Variants in FYCO1 observed in about 807,000 individuals in gnomAD.
FYCO1 encodes FYVE and coiled-coil domain autophagy adaptor 1, also known as FYVE and coiled-coil domain-containing protein 1.
In FYCO1, 122 loss-of-function variants were observed where a neutral mutation model predicts 165.1. The observed-to-expected ratio is 0.74, with a 90% confidence interval of 0.64 to 0.86. FYCO1 has a LOEUF of 0.86. FYCO1 is among the 40% of genes least tolerant of loss of function. FYCO1 has a pLI of 0.00. For missense variants in FYCO1, 1,702 were observed against 1,810.3 expected (o/e 0.94, Z 1.09); for synonymous variants, 648 against 742.5 (o/e 0.87, Z 2.07).
At chr3:45,938,222 G>T (rs1360428198) in intron 14 of FYCO1, 3 of 1,289,240 alleles carry the variant, frequency 2.3e-6, no homozygotes, top group African/African-American at 3.0e-5. Flanking sequence ...CACAGAGCAG[G>T]TTTCCCAGAC....
chr3:45,973,998 C>T (rs1478555298), intron 5 of FYCO1, among the ~76,000 whole-genome samples: 1 of 152,114 alleles, frequency 6.6e-6, no homozygotes, highest in East Asian at 1.9e-4. Flanking sequence ...GAGGTAGAGG[C>T]CACAGTAAGC....
chr3:45,962,157 C>T lies in FYCO1; in HGVS notation c.3437+68G>A. The T allele has an allele frequency of 6.6e-7, 1 of 1,522,796 alleles. No individual in the cohort carries two copies. Among genetic ancestry groups the T allele is most frequent in the Non-Finnish European group, 9.1e-7 (1 of 1,097,324 alleles). 94.3% of individuals were successfully genotyped at this position (1,522,796 alleles called of 1,614,324 possible). On this transcript the variant is annotated intron_variant, in intron 11 of 17. Coordinates refer to ENST00000296137, the MANE Select transcript of FYCO1 (RefSeq NM_024513.4). This position sits in a 1 kb window ranked among gnomAD's most constrained non-coding sequence, Gnocchi z 4.4. ...TTCTGAAGTATGCTTTCAAGAACAG[C>T]TGCATTTCTTTAGAGAAAAACCCCA...
intron 4 of FYCO1, among the ~76,000 whole-genome samples, chr3:45,975,881 T>C (rs1706727135): frequency 6.6e-6 from 1 of 152,138 alleles, no homozygotes; most frequent in Non-Finnish European, 1.5e-5. Flanking sequence ...CAGAAACATG[T>C]GCAGAAGGAG....
At chr3:45,995,406 G>A (rs976799927) in intron 1 of FYCO1, among the ~76,000 whole-genome samples, 1 of 152,250 alleles carries the variant, frequency 6.6e-6, no homozygotes, top group Admixed American at 6.5e-5. Context: ...CTTGTTCTGA[G>A]ACGCCGCATG....
intron 15 of FYCO1, among the ~76,000 whole-genome samples, chr3:45,935,956 C>G (rs1306149148): frequency 6.6e-6 from 1 of 152,170 alleles, no homozygotes; most frequent in Non-Finnish European, 1.5e-5. Flanking sequence ...GGAAAATACT[C>G]ATGCTATAGG....
In FYCO1 at chr3:45,966,695, G is replaced by C. The variant is rs1706041554; in HGVS notation, c.2639C>G (p.Ala880Gly). The C allele has an allele frequency of 6.2e-7, 1 of 1,613,482 alleles. No homozygotes were observed. The highest frequency in any genetic ancestry group is 1.3e-5 in the African/African-American group (1 of 74,934). Residue 880 changes from alanine to glycine, a missense_variant, in exon 8 of 18, where the codon GCC becomes GGC. Transcript: ENST00000296137. ...LRALQEELSQAKCSSEEAQLE... is the reference protein window; with the variant it reads ...LRALQEELSQGKCSSEEAQLE... ...CTGTGCTTCCTCGGAGCTGCATTTG[G>C]CCTGGGACAGCTCCTCCTGCAGGGC...
chr3:45,947,536 C>T (rs1203695251), intron 14 of FYCO1: 1 of 1,589,546 alleles, frequency 6.3e-7, no homozygotes, highest in Non-Finnish European at 8.6e-7. Context: ...CGAGAAGCTG[C>T]TCTGGAATTT....
intron 14 of FYCO1, chr3:45,938,256 C>A (rs1192864191): frequency 7.0e-6 from 9 of 1,288,646 alleles, no homozygotes; most frequent in African/African-American, 1.5e-5. Flanking sequence ...GACAGACGCC[C>A]TGCATGAGTG....
rs186547517 is a variant in FYCO1 at position 45,977,187 on chromosome 3, A to T, written c.289-1842T>A. Among the ~76,000 whole-genome samples, 194 of 152,072 alleles carry T rather than the reference A, an allele frequency of 1.3e-3. 1 individual carries two copies. Among genetic ancestry groups the T allele is most frequent in the Middle Eastern group, 0.01 (3 of 294 alleles). On this transcript the variant is annotated intron_variant, in intron 4 of 17. Transcript: ENST00000296137. ...ACAAACACACACCCTGCAGAATTTCATTAAGACCCTCACATCACAGCCCAG... is the reference window on the plus strand; with the variant it reads ...ACAAACACACACCCTGCAGAATTTCTTTAAGACCCTCACATCACAGCCCAG...
chr3:45,926,977 A>C (rs1208406699), intron 16 of FYCO1, among the ~76,000 whole-genome samples: 1 of 151,776 alleles, frequency 6.6e-6, no homozygotes, highest in Non-Finnish European at 1.5e-5. Context: ...AAAAAAAAAA[A>C]AGAACGCTCC....
In FYCO1 at chr3:45,964,901, G is replaced by T; in HGVS notation, c.3150+132C>A. 1 of 767,040 alleles carries T rather than the reference G, an allele frequency of 1.3e-6. No individual in the cohort carries two copies. Among genetic ancestry groups the T allele is most frequent in the Non-Finnish European group, 2.3e-6 (1 of 435,080 alleles). The allele number at this position is 767,040 out of a possible 1,614,324, so 47.5% of individuals were successfully genotyped here. On this transcript the variant is annotated intron_variant, in intron 9 of 17. Transcript: ENST00000296137. This position sits in a 1 kb window ranked among gnomAD's most constrained non-coding sequence, Gnocchi z 4.1. ...GGAGGGGGTCAGGGTACAAACTAGG[G>T]TGTCTACAAAGGTGAACTGAGGACG...
At chr3:45,926,629 C>T (rs751756484) in intron 16 of FYCO1, among the ~76,000 whole-genome samples, 5 of 152,158 alleles carry the variant, frequency 3.3e-5, no homozygotes, top group African/African-American at 4.8e-5. Flanking sequence ...AAACAGAAGA[C>T]GAACACCACC....
intron 16 of FYCO1, 67 bp downstream of exon 16, chr3:45,931,004 G>A: frequency 6.8e-7 from 1 of 1,475,030 alleles, no homozygotes; most frequent in South Asian, 1.2e-5. Context: ...GCCCTGCTTT[G>A]AGAAAGGCCT....
At chr3:45,973,364 T>C (rs1706554377) in intron 5 of FYCO1, 133 bp from the exon 6 acceptor site, 1 of 808,492 alleles carries the variant, frequency 1.2e-6, no homozygotes, top group Non-Finnish European at 2.1e-6. Flanking sequence ...CACAAACCAA[T>C]TTCATTTTCA....
At chr3:45,973,600 A>G (rs1180168641) in intron 5 of FYCO1, among the ~76,000 whole-genome samples, 1 of 152,246 alleles carries the variant, frequency 6.6e-6, no homozygotes, top group Non-Finnish European at 1.5e-5. Context: ...AATATGGGAC[A>G]CTAAACTCAC....
In FYCO1 at chr3:45,936,440, C is replaced by T. The variant is rs754851907; in HGVS notation, c.4040+8G>A. ...CTGGGGAGGGCCCAGGCAGCAGTTGCCACTTACATCAGTTCTCCAGACTTC... is the reference window on the plus strand; with the variant it reads ...CTGGGGAGGGCCCAGGCAGCAGTTGTCACTTACATCAGTTCTCCAGACTTC... On this transcript the variant is annotated splice_region_variant and intron_variant, in intron 15 of 17. Transcript: ENST00000296137. The T allele has an allele frequency of 2.5e-6, 4 of 1,606,966 alleles. No homozygotes were observed. The Admixed American group carries it at 5.0e-5, about 20-fold the overall frequency.
At chr3:45,930,525 G>A (rs1367789293) in intron 16 of FYCO1, among the ~76,000 whole-genome samples, 1 of 152,196 alleles carries the variant, frequency 6.6e-6, no homozygotes, top group African/African-American at 2.4e-5. Context: ...TTGCAGCCAA[G>A]GTTGAGAACA....
chr3:45,986,667 C>G (rs891929578), intron 1 of FYCO1, among the ~76,000 whole-genome samples: 1 of 152,100 alleles, frequency 6.6e-6, no homozygotes, highest in African/African-American at 2.4e-5. Context: ...CACAGAGAAC[C>G]CCCCAAACCT....
chr3:45,936,356 C>A, intron 15 of FYCO1, 92 bp downstream of exon 15: 3 of 818,612 alleles, frequency 3.7e-6, no homozygotes, highest in Non-Finnish European at 6.5e-6. Context: ...AAGTTAGAGC[C>A]CCCGAGGTGG....
Sources: gnomAD v4.1 joint callset for allele counts (sites outside exome capture counted in the v4.1 genomes callset) on GRCh38, gnomAD v4.1.1 for gene constraint, Gnocchi (gnomAD v3.1) non-coding constraint, MANE v1.5 for transcripts, NCBI Gene and HGNC (gene_info 2026-07-23, HGNC 2026-07-21) for gene names.